The following EFNA5 variants were observed in gnomAD, a reference collection of about 807,000 sequenced individuals.
The protein encoded by EFNA5 is ephrin A5, also known as ephrin-A5.
A neutral mutation model predicts 22.9 loss-of-function variants in EFNA5; 5 were observed. The observed-to-expected ratio is 0.22, with a 90% CI of 0.11 to 0.46. The LOEUF (loss-of-function observed/expected upper bound fraction) is 0.46. EFNA5 is among the 20% of genes least tolerant of loss of function. EFNA5 has a pLI of 0.99. For synonymous variants in EFNA5, 113 were observed against 112.2 expected, an observed-to-expected ratio of 1.01 and a Z score of -0.04; for missense variants, 237 against 293.3, an observed-to-expected ratio of 0.81 and a Z score of 1.40.
intron 2 of EFNA5, among the ~76,000 whole-genome samples, chr5:107,405,394 G>A (rs549102766): frequency 6.6e-6 from 1 of 152,270 alleles, no homozygotes; most frequent in African/African-American, 2.4e-5. Flanking sequence ...ACATTCCAGG[G>A]CCTTTCTGGA....
intron 1 of EFNA5, among the ~76,000 whole-genome samples, chr5:107,576,839 A>T (rs1324221918): frequency 6.6e-6 from 1 of 152,218 alleles, no homozygotes; most frequent in Non-Finnish European, 1.5e-5. Flanking sequence ...CTGAAGTTGT[A>T]CAATACTAAG....
At chr5:107,484,653 C>T (rs1054844067) in intron 1 of EFNA5, among the ~76,000 whole-genome samples, 2 of 152,136 alleles carry the variant, frequency 1.3e-5, no homozygotes, top group Non-Finnish European at 2.9e-5. Flanking sequence ...CTCAGCTCTG[C>T]CACTTTCCAG....
At chr5:107,534,175 C>T (rs983881599) in intron 1 of EFNA5, among the ~76,000 whole-genome samples, 21 of 152,192 alleles carry the variant, frequency 1.4e-4, no homozygotes, top group Non-Finnish European at 3.1e-4. Flanking sequence ...ATGATAACAG[C>T]AGATAAAACC....
intron 1 of EFNA5, among the ~76,000 whole-genome samples, chr5:107,659,837 G>A (rs563586483): frequency 2.6e-5 from 4 of 152,104 alleles, no homozygotes; most frequent in South Asian, 4.1e-4. Flanking sequence ...AAGGAAGAAC[G>A]CTAAAATAGG....
chr5:107,654,800 G>A (rs1000917032), intron 1 of EFNA5, among the ~76,000 whole-genome samples: 1 of 152,004 alleles, frequency 6.6e-6, no homozygotes, highest in Non-Finnish European at 1.5e-5. Context: ...AAAAAATAAT[G>A]AGGTAAAAGG....
chr5:107,435,397 T>C (rs1267540159), intron 1 of EFNA5, among the ~76,000 whole-genome samples: 2 of 139,582 alleles, frequency 1.4e-5, no homozygotes, highest in East Asian at 2.1e-4. Context: ...GGTAGATAAA[T>C]AATACTAGCA....
At chr5:107,601,988 T>C (rs1051956054) in intron 1 of EFNA5, among the ~76,000 whole-genome samples, 13 of 152,218 alleles carry the variant, frequency 8.5e-5, no homozygotes, top group Non-Finnish European at 1.0e-4. Flanking sequence ...GCTTATTGCA[T>C]GTATTTAAAC....
chr5:107,458,578 G>C (rs1419762995), intron 1 of EFNA5, among the ~76,000 whole-genome samples: 2 of 151,824 alleles, frequency 1.3e-5, no homozygotes, highest in Non-Finnish European at 2.9e-5. Flanking sequence ...AGCCTTTTTG[G>C]AAGTCGTGAG....
chr5:107,617,365 C>T (rs2013998536), intron 1 of EFNA5, among the ~76,000 whole-genome samples: 1 of 152,108 alleles, frequency 6.6e-6, no homozygotes, highest in Non-Finnish European at 1.5e-5. Flanking sequence ...TCATTCAGCA[C>T]CAACCAGATG....
At chr5:107,600,077 C>A (rs1749561560) in intron 1 of EFNA5, among the ~76,000 whole-genome samples, 1 of 152,198 alleles carries the variant, frequency 6.6e-6, no homozygotes, top group Non-Finnish European at 1.5e-5. Context: ...TAAAGTTCCC[C>A]TGATGTCATC....
In EFNA5 at chr5:107,505,927, G is replaced by A. The variant is rs534893160; in HGVS notation, c.126-78418C>T. On this transcript the variant is annotated intron_variant, in intron 1 of 4. Transcript: ENST00000333274. ...TTGAGAAAACTGAAGCCTAACTGAA[G>A]TAGCTTGCCCAAGGTGATAGAGCTA... is the stretch of plus-strand genomic sequence containing the variant. Among the ~76,000 whole-genome samples the A allele has an allele frequency of 1.1e-4, 16 of 152,210 alleles. No individual in the cohort carries two copies. The East Asian group carries it at 1.2e-3, about 11-fold the overall frequency.
chr5:107,660,111 T>G (rs954354658), intron 1 of EFNA5, among the ~76,000 whole-genome samples: 2 of 151,402 alleles, frequency 1.3e-5, no homozygotes, highest in African/African-American at 2.4e-5. Flanking sequence ...ATTGTTCCCT[T>G]GATAGCTATA....
At chr5:107,394,642 GC>G (rs1747874292) in intron 2 of EFNA5, among the ~76,000 whole-genome samples, 3 of 152,120 alleles carry the variant, frequency 2.0e-5, no homozygotes, top group Non-Finnish European at 4.4e-5. Flanking sequence ...CCCACTGTTT[GC>G]CTTCCCTCCT....
intron 2 of EFNA5, among the ~76,000 whole-genome samples, chr5:107,404,169 T>G (rs764913334): frequency 6.6e-6 from 1 of 152,242 alleles, no homozygotes; most frequent in Non-Finnish European, 1.5e-5. Flanking sequence ...AAGCTCGAAA[T>G]GATAGACCAT....
rs201069528 is a variant in EFNA5 at position 107,428,431 on chromosome 5, A to C, written c.126-922T>G. The stretch of plus-strand genomic sequence containing the variant: ...TGAATACACACACCTCCCACCACAA[A>C]CACCACACTGTCTGCTTCAATTCTC... On this transcript the variant is annotated intron_variant, in intron 1 of 4. Coordinates refer to ENST00000333274, the MANE Select transcript of EFNA5 (RefSeq NM_001962.3). Among the ~76,000 whole-genome samples the C allele has an allele frequency of 2.3e-4, 35 of 152,284 alleles. No individual in the cohort carries two copies. The East Asian group carries it at 6.4e-3, about 28-fold the overall frequency.
chr5:107,535,371 G>T (rs865959819), intron 1 of EFNA5, among the ~76,000 whole-genome samples: 59 of 152,186 alleles, frequency 3.9e-4, no homozygotes, highest in African/African-American at 1.4e-3. Flanking sequence ...TAATACTGAA[G>T]AACTTCCAAA....
Position 107,670,476 on chromosome 5 carries a change from G to A in EFNA5, c.125+13C>T, listed in dbSNP as rs1198795523. On this transcript the variant is annotated intron_variant, in intron 1 of 4. Transcript: ENST00000333274. Reference sequence around the variant, plus strand: ...CCCGGGTAGCCCTGGCTCTCCGCCTGTTATCGGCTTACCTGGGGTTGCTGC... The same window carrying A: ...CCCGGGTAGCCCTGGCTCTCCGCCTATTATCGGCTTACCTGGGGTTGCTGC... 6.4e-7 allele frequency: 1 copy of A among 1,556,358 alleles called. No homozygotes were observed. The highest frequency in any genetic ancestry group is 1.2e-5 in the South Asian group (1 of 84,346).
chr5:107,429,489 C>T (rs1294156646), intron 1 of EFNA5, among the ~76,000 whole-genome samples: 1 of 152,022 alleles, frequency 6.6e-6, no homozygotes, highest in Non-Finnish European at 1.5e-5. Flanking sequence ...ACTCTGGATG[C>T]TAAATATTCA....
chr5:107,616,882 T>G (rs1749928254), intron 1 of EFNA5, among the ~76,000 whole-genome samples: 1 of 152,136 alleles, frequency 6.6e-6, no homozygotes, highest in Admixed American at 6.6e-5. Flanking sequence ...GTCCTTTTGA[T>G]TACATCTGAA....
Sources: allele counts gnomAD v4.1 joint callset (sites outside exome capture counted in the v4.1 genomes callset), GRCh38; gene constraint gnomAD v4.1.1; transcripts MANE v1.5; gene names NCBI Gene and HGNC (gene_info 2026-07-23, HGNC 2026-07-21).